PRDM11: variants seen among roughly 807,000 people sequenced by gnomAD.
The protein encoded by PRDM11 is PR/SET domain 11.
Under a neutral mutation model 97.8 loss-of-function variants are expected in PRDM11, and 20 were observed. The observed-to-expected ratio is 0.20, with a 90% CI of 0.14 to 0.30. The LOEUF is 0.30. Among genes scored for constraint, PRDM11 ranks in the 10% least tolerant of loss-of-function variants. PRDM11 has a pLI of 1.00. For missense variants in PRDM11, 1,139 were observed against 1,555.2 expected (o/e 0.73, Z 4.50); for synonymous variants, 599 against 637.7 (o/e 0.94, Z 0.91).
chr11:45,201,525 G>C (rs1397766536), intron 4 of PRDM11, among the ~76,000 whole-genome samples: 1 of 150,128 alleles, frequency 6.7e-6, no homozygotes, highest in Non-Finnish European at 1.5e-5. Flanking sequence ...ACAGGATCTT[G>C]CTTTGTCACC....
chr11:45,107,344 T>C (rs1477430192), intron 1 of PRDM11, among the ~76,000 whole-genome samples: 2 of 152,310 alleles, frequency 1.3e-5, no homozygotes, highest in South Asian at 2.1e-4. Flanking sequence ...CTAATTATAG[T>C]TCAATGAGTC....
In PRDM11 at chr11:45,234,218, T is replaced by A. The variant is rs573624898; in HGVS notation, c.*6059T>A. On this transcript the variant is annotated 3_prime_UTR_variant, in exon 8 of 8. Transcript: ENST00000683152. ...TCGCAGTTTCCTCTCTCTGTTTTTT[T>A]CCTCCTGGAGGTAGGAGAGAGGGCC... The A allele has an allele frequency of 2.0e-5, 3 of 152,292 alleles. No homozygotes were observed. The highest frequency in any genetic ancestry group is 4.8e-5 in the African/African-American group (2 of 41,448). 9.4% of individuals were successfully genotyped at this position (152,292 alleles called of 1,614,324 possible). A position where few individuals can be genotyped will look rare whatever the true frequency, so the allele number is the denominator to read the frequency against.
At chr11:45,196,609 G>A (rs1853130475) in intron 4 of PRDM11, among the ~76,000 whole-genome samples, 1 of 152,182 alleles carries the variant, frequency 6.6e-6, no homozygotes, top group African/African-American at 2.4e-5. Flanking sequence ...CTTGACAGCT[G>A]CTTCTCTAGT....
intron 1 of PRDM11, among the ~76,000 whole-genome samples, chr11:45,101,282 G>A (rs760938813): frequency 1.3e-5 from 2 of 152,156 alleles, no homozygotes; most frequent in Non-Finnish European, 2.9e-5. Context: ...GTATTTGGCC[G>A]GTCATGGGCT....
chr11:45,181,700 ACTC>A, intron 1 of PRDM11, 58 bp from the exon 2 acceptor site: 1 of 1,450,726 alleles, frequency 6.9e-7, no homozygotes. Context: ...TCCGCCGCTC[ACTC>A]CTCTTCCCCT....
rs771124312 is a variant in PRDM11, at chr11:45,232,962, A to G, written c.*4803A>G. Reference sequence around the variant, plus strand: ...CACCCTGGAAATACCTATGCAATCCAGTCTCCCTAGGAGAGAGTGCATGGA... The same window carrying G: ...CACCCTGGAAATACCTATGCAATCCGGTCTCCCTAGGAGAGAGTGCATGGA... On this transcript the variant is annotated 3_prime_UTR_variant, in exon 8 of 8. Coordinates refer to ENST00000683152, the MANE Select transcript of PRDM11 (RefSeq NM_001384648.1). The G allele has an allele frequency of 2.1e-5, 3 of 145,722 alleles. No homozygotes were observed. Among genetic ancestry groups the G allele is most frequent in the Non-Finnish European group, 4.5e-5 (3 of 66,402 alleles). The allele number at this position is 145,722 out of a possible 1,614,324, so 9.0% of individuals were successfully genotyped here.
At chr11:45,137,568 T>C (rs1214489109) in intron 1 of PRDM11, among the ~76,000 whole-genome samples, 1 of 152,040 alleles carries the variant, frequency 6.6e-6, no homozygotes, top group Non-Finnish European at 1.5e-5. Flanking sequence ...CTGGGCAACA[T>C]GGCGAGACCT....
At chr11:45,103,107 C>G (rs561083502) in intron 1 of PRDM11, among the ~76,000 whole-genome samples, 1 of 152,346 alleles carries the variant, frequency 6.6e-6, no homozygotes, top group East Asian at 1.9e-4. Flanking sequence ...CATTTTCATT[C>G]TCTTGTCTGG....
intron 4 of PRDM11, among the ~76,000 whole-genome samples, chr11:45,184,442 C>A: frequency 6.6e-6 from 1 of 152,238 alleles, no homozygotes; most frequent in East Asian, 1.9e-4. Context: ...CCAGGTAGAG[C>A]GTGTGGGAGT....
intron 5 of PRDM11, among the ~76,000 whole-genome samples, chr11:45,211,158 C>G (rs1340883105): frequency 6.6e-6 from 1 of 152,198 alleles, no homozygotes; most frequent in Non-Finnish European, 1.5e-5. Flanking sequence ...GGTCTCACTC[C>G]TTCCAACACT....
intron 1 of PRDM11, among the ~76,000 whole-genome samples, chr11:45,100,009 G>A (rs1033945026): frequency 6.6e-6 from 1 of 152,210 alleles, no homozygotes; most frequent in Non-Finnish European, 1.5e-5. Context: ...TGCAGTGACA[G>A]CAGGGAGGGA....
chr11:45,127,849 G>A (rs1413815159), intron 1 of PRDM11, among the ~76,000 whole-genome samples: 11 of 152,338 alleles, frequency 7.2e-5, no homozygotes, highest in South Asian at 4.1e-4. Flanking sequence ...CTCCAGCTGC[G>A]TGCTGGGAGA....
At chr11:45,170,052 A>T (rs1409531135) in intron 1 of PRDM11, among the ~76,000 whole-genome samples, 1 of 152,160 alleles carries the variant, frequency 6.6e-6, no homozygotes, top group Non-Finnish European at 1.5e-5. Context: ...GGAGAAAAAT[A>T]AAGCAAGGGG....
chr11:45,128,179 G>A (rs141452364), intron 1 of PRDM11, among the ~76,000 whole-genome samples: 6,713 of 152,312 alleles, frequency 0.044, 216 homozygotes, highest in Non-Finnish European at 0.066. Context: ...CTGGTGTGCC[G>A]TTTTTTAAGC....
intron 1 of PRDM11, among the ~76,000 whole-genome samples, chr11:45,139,211 A>T (rs540439373): frequency 3.0e-4 from 46 of 152,326 alleles, no homozygotes; most frequent in Middle Eastern, 3.4e-3. Context: ...GCTCATACAA[A>T]ATCAATGAGA....
At chr11:45,154,229 G>T (rs1851732611) in intron 1 of PRDM11, among the ~76,000 whole-genome samples, 2 of 152,264 alleles carry the variant, frequency 1.3e-5, no homozygotes, top group Admixed American at 1.3e-4. Context: ...GGTGATGTGT[G>T]CCTGTAGTCC....
At chr11:45,171,946 G>A (rs1037976549) in intron 1 of PRDM11, among the ~76,000 whole-genome samples, 4 of 152,084 alleles carry the variant, frequency 2.6e-5, no homozygotes, top group African/African-American at 9.7e-5. Flanking sequence ...TCTAGAGCTG[G>A]TGCAGACCCC....
chr11:45,132,919 CAG>C (rs1852751038), intron 1 of PRDM11, among the ~76,000 whole-genome samples: 1 of 152,202 alleles, frequency 6.6e-6, no homozygotes, highest in South Asian at 2.1e-4. Flanking sequence ...ACTGATGGCT[CAG>C]CCATCTTGCT....
At chr11:45,126,265 T>A (rs370448470) in intron 1 of PRDM11, among the ~76,000 whole-genome samples, 1 of 152,076 alleles carries the variant, frequency 6.6e-6, no homozygotes, top group African/African-American at 2.4e-5. Context: ...AATACAGCAC[T>A]CTGATGAGTC....
Sources: allele counts gnomAD v4.1 joint callset (sites outside exome capture counted in the v4.1 genomes callset), GRCh38; gene constraint gnomAD v4.1.1; transcripts MANE v1.5; gene names NCBI Gene and HGNC (gene_info 2026-07-23, HGNC 2026-07-21).